ANAPC10: variants seen among roughly 807,000 people sequenced by gnomAD.
The protein encoded by ANAPC10 is anaphase promoting complex subunit 10.
A neutral mutation model predicts 22.0 loss-of-function variants in ANAPC10; 12 were observed. The observed-to-expected ratio is 0.55, with a 90% confidence interval of 0.35 to 0.88. The LOEUF (loss-of-function observed/expected upper bound fraction) is 0.88, where lower values mean the gene tolerates loss of function less well. Among genes scored for constraint, ANAPC10 ranks in the 40% least tolerant of loss-of-function variants. ANAPC10 has a pLI of 0.01. For missense variants in ANAPC10, 188 were observed against 220.9 expected (o/e 0.85, Z 0.94); for synonymous variants, 65 against 69.5 (o/e 0.94, Z 0.32).
intron 4 of ANAPC10, among the ~76,000 whole-genome samples, chr4:145,039,146 T>C (rs1284918780): frequency 2.7e-5 from 4 of 150,104 alleles, no homozygotes; most frequent in African/African-American, 7.4e-5. Context: ...ATGCAAAGCA[T>C]CAGAAATCAA....
chr4:145,084,383 C>T (rs1479597028), intron 2 of ANAPC10, among the ~76,000 whole-genome samples: 1 of 152,108 alleles, frequency 6.6e-6, no homozygotes, highest in Admixed American at 6.6e-5. Context: ...AAATGGCATA[C>T]ATGGAAAACA....
intron 2 of ANAPC10, among the ~76,000 whole-genome samples, chr4:145,085,812 G>T (rs958901380): frequency 6.6e-6 from 1 of 151,074 alleles, no homozygotes; most frequent in Non-Finnish European, 1.5e-5. Context: ...TGCCAATCCC[G>T]TCTCAACCTC....
At chr4:145,062,351 A>C (rs746944828) in intron 4 of ANAPC10, among the ~76,000 whole-genome samples, 9 of 152,332 alleles carry the variant, frequency 5.9e-5, no homozygotes, top group Non-Finnish European at 1.2e-4. Context: ...TCACGCCTGT[A>C]ATCCTAGCAC....
rs1243813432 is a variant in ANAPC10, at chr4:145,054,648, C to T, written c.327+9924G>A. 1.7e-4 allele frequency among the ~76,000 whole-genome samples: 24 copies of T among 143,160 alleles called. 1 individual carries two copies. The highest frequency in any genetic ancestry group is 5.8e-4 in the African/African-American group (21 of 36,400). The allele number at this position is 143,160 out of a possible 152,430, so 93.9% of individuals were successfully genotyped here. A position where few individuals can be genotyped will look rare whatever the true frequency, so the allele number is the denominator to read the frequency against. The stretch of plus-strand genomic sequence containing the variant: ...GTGTGTGTGTGTGTGTGTGCGCGCG[C>T]GCGCGCGTGCGTGCAGCGCATGTGT... On this transcript the variant is annotated intron_variant, in intron 4 of 4. Coordinates refer to ENST00000507656, the MANE Select transcript of ANAPC10 (RefSeq NM_001256706.2).
At chr4:145,007,138 A>C (rs1428830642) in intron 4 of ANAPC10, among the ~76,000 whole-genome samples, 1 of 152,150 alleles carries the variant, frequency 6.6e-6, no homozygotes, top group Admixed American at 6.6e-5. Flanking sequence ...AGATTCATAA[A>C]GCAAGTCCTT....
chr4:145,046,259 T>C (rs1740283248), intron 4 of ANAPC10, among the ~76,000 whole-genome samples: 1 of 152,082 alleles, frequency 6.6e-6, no homozygotes, highest in Non-Finnish European at 1.5e-5. Flanking sequence ...ATAAATAACT[T>C]TTAAAATGCC....
At chr4:145,091,645 C>T (rs1014909857) in intron 2 of ANAPC10, among the ~76,000 whole-genome samples, 3 of 152,088 alleles carry the variant, frequency 2.0e-5, no homozygotes, top group Non-Finnish European at 2.9e-5. Flanking sequence ...ATGAATAGTG[C>T]TGCAATGAAC....
intron 4 of ANAPC10, among the ~76,000 whole-genome samples, chr4:145,029,765 G>A (rs1324896855): frequency 6.6e-6 from 1 of 152,152 alleles, no homozygotes; most frequent in African/African-American, 2.4e-5. Flanking sequence ...CAAAAGCTTA[G>A]GGAGATTGGG....
intron 4 of ANAPC10, among the ~76,000 whole-genome samples, chr4:145,018,138 T>A (rs1310840343): frequency 6.7e-6 from 1 of 148,946 alleles, no homozygotes; most frequent in African/African-American, 2.4e-5. Context: ...TATATATATA[T>A]AAATAAAATA....
At chr4:145,067,142 T>C (rs1215116027) in intron 3 of ANAPC10, among the ~76,000 whole-genome samples, 3 of 152,204 alleles carry the variant, frequency 2.0e-5, no homozygotes, top group Non-Finnish European at 4.4e-5. Flanking sequence ...AAATCATTTA[T>C]CAATTTTATC....
chr4:145,089,884 T>C (rs1017769547), intron 2 of ANAPC10, among the ~76,000 whole-genome samples: 1 of 152,148 alleles, frequency 6.6e-6, no homozygotes, highest in Non-Finnish European at 1.5e-5. Context: ...ACTTCTCAAA[T>C]ATGAACAAAC....
chr4:145,058,986 A>T (rs556054649), intron 4 of ANAPC10, among the ~76,000 whole-genome samples: 5 of 152,248 alleles, frequency 3.3e-5, no homozygotes, highest in South Asian at 2.1e-4. Context: ...CTACTTTTTT[A>T]AAAAAATCTT....
chr4:145,044,414 G>A (rs952631446), intron 4 of ANAPC10, among the ~76,000 whole-genome samples: 6 of 151,932 alleles, frequency 3.9e-5, no homozygotes, highest in Non-Finnish European at 8.8e-5. Context: ...TCTCTCTAAC[G>A]TTTTGTCTGA....
intron 3 of ANAPC10, 32 bp downstream of exon 3, chr4:145,081,628 G>A: frequency 7.3e-7 from 1 of 1,378,324 alleles, no homozygotes. Flanking sequence ...ATAACCTACA[G>A]TAGATGAAAA....
chr4:145,009,415 C>T (rs796201517), intron 4 of ANAPC10, among the ~76,000 whole-genome samples: 9 of 151,716 alleles, frequency 5.9e-5, no homozygotes, highest in African/African-American at 1.9e-4. Flanking sequence ...AGGCATCACG[C>T]TACTTCACTT....
chr4:145,061,394 A>G (rs1742864845), intron 4 of ANAPC10, among the ~76,000 whole-genome samples: 1 of 152,184 alleles, frequency 6.6e-6, no homozygotes. Context: ...TCATATGAAT[A>G]TGTACACTTC....
intron 4 of ANAPC10, among the ~76,000 whole-genome samples, chr4:145,040,129 ATGTG>A (rs35260688): frequency 0.24 from 36,344 of 148,664 alleles, 4,567 homozygotes; most frequent in East Asian, 0.43. Flanking sequence ...GTGTGTGTGT[ATGTG>A]TGTGTGTGTG....
chr4:145,025,332 GCCCCCCCC>G (rs36048867), intron 4 of ANAPC10, among the ~76,000 whole-genome samples: 1 of 141,814 alleles, frequency 7.1e-6, no homozygotes, highest in Non-Finnish European at 1.5e-5. Flanking sequence ...CTTTCAACAC[GCCCCCCCC>G]CCCTTTTAAG....
intron 4 of ANAPC10, among the ~76,000 whole-genome samples, chr4:145,006,118 T>C (rs1303941226): frequency 6.6e-6 from 1 of 152,218 alleles, no homozygotes; most frequent in Non-Finnish European, 1.5e-5. Flanking sequence ...GAACTTGCTT[T>C]ATGAATTTGG....
Sources: gnomAD v4.1 joint callset for allele counts (sites outside exome capture counted in the v4.1 genomes callset) on GRCh38, gnomAD v4.1.1 for gene constraint, MANE v1.5 for transcripts, NCBI Gene and HGNC (gene_info 2026-07-23, HGNC 2026-07-21) for gene names.